POC1B: variants seen among roughly 807,000 people sequenced by gnomAD.
The protein encoded by POC1B is POC1 centriolar protein B.
In POC1B, 44 loss-of-function variants were observed where a neutral mutation model predicts 60.6. That is an observed-to-expected ratio of 0.73 (90% CI 0.57 to 0.93). The LOEUF (loss-of-function observed/expected upper bound fraction) is 0.93, where lower values mean the gene tolerates loss of function less well. Among genes scored for constraint, POC1B ranks in the 40% least tolerant of loss-of-function variants. The pLI is 0.00. For synonymous variants in POC1B, 180 were observed against 198.9 expected, an observed-to-expected ratio of 0.90 and a Z score of 0.80; for missense variants, 555 against 572.3, an observed-to-expected ratio of 0.97 and a Z score of 0.31.
At chr12:89,416,804 G>C (rs891912945), downstream of POC1B, among the ~76,000 whole-genome samples, 2 of 152,174 alleles carry the variant, frequency 1.3e-5, no homozygotes, top group East Asian at 1.9e-4. Flanking sequence ...TAAAAACTAT[G>C]AGCCAAGCAA....
chr12:89,416,577 A>G (rs369371927), downstream of POC1B, among the ~76,000 whole-genome samples: 9 of 152,212 alleles, frequency 5.9e-5, no homozygotes, highest in Middle Eastern at 3.2e-3. Context: ...TTAACTAGGC[A>G]GAGGCCAGAC....
At chr12:89,438,386 G>A (rs185493290) in intron 10 of POC1B, among the ~76,000 whole-genome samples, 73 of 152,370 alleles carry the variant, frequency 4.8e-4, no homozygotes, top group African/African-American at 1.7e-3. Context: ...GAAGCCGGGA[G>A]GCGGAGCTTG....
chr12:89,525,913 C>G lies in POC1B; in HGVS notation c.-18G>C, dbSNP rs1468277028. On this transcript the variant is annotated 5_prime_UTR_variant, in exon 1 of 12. Transcript: ENST00000313546. ...GAGGCCATCGGGGGAGTGGTCGGCCCAAGGCTCCTGTGGGTGGGGGAACCC... is the reference window on the plus strand; with the variant it reads ...GAGGCCATCGGGGGAGTGGTCGGCCGAAGGCTCCTGTGGGTGGGGGAACCC... 6.6e-7 allele frequency: 1 copy of G among 1,512,566 alleles called. No homozygotes were observed. The highest frequency in any genetic ancestry group is 2.1e-5 in the Admixed American group (1 of 47,850). 93.7% of individuals were successfully genotyped at this position (1,512,566 alleles called of 1,614,324 possible). A position where few individuals can be genotyped will look rare whatever the true frequency, so the allele number is the denominator to read the frequency against.
intron 4 of POC1B, among the ~76,000 whole-genome samples, chr12:89,490,092 A>C (rs1411232301): frequency 6.6e-6 from 1 of 152,126 alleles, no homozygotes; most frequent in Non-Finnish European, 1.5e-5. Context: ...GCATATAGAG[A>C]GGCCCCCAGA....
chr12:89,420,252 T>C lies in POC1B; in HGVS notation c.*901A>G, dbSNP rs1880473200. ...CACAATTCATTAAATAGGAAGATGATGATGCAAAAATTTTAAAAAGTACTT... is the reference window on the plus strand; with the variant it reads ...CACAATTCATTAAATAGGAAGATGACGATGCAAAAATTTTAAAAAGTACTT... On this transcript the variant is annotated 3_prime_UTR_variant, in exon 12 of 12. Transcript: ENST00000313546. 1 of 152,212 alleles carries C rather than the reference T, an allele frequency of 6.6e-6. No homozygotes were observed. The highest frequency in any genetic ancestry group is 2.4e-5 in the African/African-American group (1 of 41,458). 9.4% of individuals were successfully genotyped at this position (152,212 alleles called of 1,614,324 possible).
At chr12:89,482,327 C>T (rs1868393757) in intron 4 of POC1B, among the ~76,000 whole-genome samples, 1 of 151,742 alleles carries the variant, frequency 6.6e-6, no homozygotes, top group Non-Finnish European at 1.5e-5. Context: ...AACAAAGCCT[C>T]AAAAAACTGT....
chr12:89,480,426 T>C (rs1449333129), intron 4 of POC1B, among the ~76,000 whole-genome samples: 1 of 151,148 alleles, frequency 6.6e-6, no homozygotes, highest in South Asian at 2.1e-4. Flanking sequence ...TAATTTATAA[T>C]TCTTTTTTTT....
At chr12:89,431,526 C>A (rs1177514099) in intron 10 of POC1B, among the ~76,000 whole-genome samples, 1 of 152,062 alleles carries the variant, frequency 6.6e-6, no homozygotes, top group Admixed American at 6.6e-5. Context: ...CAAAAAAAGC[C>A]TTTTGCCTTG....
chr12:89,478,835 A>G (rs1361390840), intron 4 of POC1B, among the ~76,000 whole-genome samples: 2 of 152,200 alleles, frequency 1.3e-5, no homozygotes, highest in Non-Finnish European at 2.9e-5. Context: ...TACTCCCAAA[A>G]AATCAATGCT....
chr12:89,522,652 T>A (rs1870983386), intron 2 of POC1B: 1 of 811,418 alleles, frequency 1.2e-6, no homozygotes, highest in African/African-American at 1.8e-5. Context: ...GGGTACCCAG[T>A]TTCAGTGTGA....
At chr12:89,525,807 G>C (rs1052010876) in intron 1 of POC1B, 74 bp downstream of exon 1, 16 of 1,382,950 alleles carry the variant, frequency 1.2e-5, no homozygotes, top group African/African-American at 1.5e-5. Context: ...GTGCGGCTTC[G>C]GCCCGGACCT....
chr12:89,414,175 G>C, the POC1B span, among the ~76,000 whole-genome samples: 9,611 of 152,256 alleles, frequency 0.063, 384 homozygotes, highest in Non-Finnish European at 0.097. Flanking sequence ...TTACAGGTGT[G>C]AGCCACCATG....
intron 10 of POC1B, chr12:89,428,068 T>C (rs1880848814): frequency 6.6e-6 from 1 of 152,244 alleles, no homozygotes; most frequent in South Asian, 2.1e-4. Flanking sequence ...CTAAGAAATC[T>C]TGACTCATGA....
chr12:89,518,051 A>G (rs1336231577), intron 2 of POC1B, among the ~76,000 whole-genome samples: 1 of 152,164 alleles, frequency 6.6e-6, no homozygotes, highest in African/African-American at 2.4e-5. Flanking sequence ...TAGTACCCCA[A>G]TAATTATTAA....
chr12:89,515,315 T>C (rs1434090113), intron 2 of POC1B, among the ~76,000 whole-genome samples: 2 of 152,134 alleles, frequency 1.3e-5, no homozygotes, highest in African/African-American at 4.8e-5. Flanking sequence ...ATTAATTTTT[T>C]GAAGATAGGG....
chr12:89,507,764 C>T (rs998952480), intron 2 of POC1B, among the ~76,000 whole-genome samples: 3 of 152,214 alleles, frequency 2.0e-5, no homozygotes, highest in East Asian at 1.9e-4. Flanking sequence ...CACACAATGT[C>T]CAAATGGCCA....
chr12:89,453,445 A>G (rs1882134449), intron 10 of POC1B, among the ~76,000 whole-genome samples: 1 of 152,168 alleles, frequency 6.6e-6, no homozygotes, highest in Non-Finnish European at 1.5e-5. Flanking sequence ...CCCTTAGAGC[A>G]GGGACAGGAG....
chr12:89,445,841 T>C (rs1881759676), intron 10 of POC1B, among the ~76,000 whole-genome samples: 1 of 151,630 alleles, frequency 6.6e-6, no homozygotes, highest in Non-Finnish European at 1.5e-5. Flanking sequence ...TGGGAGAAAA[T>C]TTTTACAATC....
downstream of POC1B, among the ~76,000 whole-genome samples, chr12:89,416,208 A>C (rs758254437): frequency 2.6e-5 from 4 of 152,250 alleles, no homozygotes; most frequent in Non-Finnish European, 5.9e-5. Context: ...ACTGTATTGC[A>C]ATCTCTGTTG....
Sources: allele counts gnomAD v4.1 joint callset (sites outside exome capture counted in the v4.1 genomes callset), GRCh38; gene constraint gnomAD v4.1.1; transcripts MANE v1.5; gene names NCBI Gene and HGNC (gene_info 2026-07-23, HGNC 2026-07-21).